The following TMEM164 variants were observed in gnomAD, a reference collection of about 807,000 sequenced individuals.
TMEM164 encodes the protein RP13-360B22.2.
In TMEM164, 4 loss-of-function variants were observed where a neutral mutation model predicts 18.8. The observed-to-expected ratio is 0.21, with a 90% confidence interval of 0.10 to 0.49. The LOEUF is 0.49. TMEM164 is among the 20% of genes least tolerant of loss of function. The probability of loss-of-function intolerance (pLI) is 0.98; values close to 1 mark genes in which losing one functional copy is unlikely to be tolerated. For missense variants in TMEM164, 108 were observed against 239.9 expected (o/e 0.45, Z 3.63); for synonymous variants, 86 against 101.7 (o/e 0.85, Z 0.93).
chrX:110,124,121 T>TGGAA (rs1200145593), intron 4 of TMEM164, among the ~76,000 whole-genome samples: 987 of 65,259 alleles, frequency 0.015, 9 homozygotes, highest in Middle Eastern at 0.032. Context: ...TAATAACAAA[T>TGGAA]GGAAGGAAGG....
chrX:110,173,091 A>G (rs1255480337), intron 6 of TMEM164, among the ~76,000 whole-genome samples, 154 bp from the exon 7 acceptor site: 1 of 111,648 alleles, frequency 9.0e-6, no homozygotes, highest in Non-Finnish European at 1.9e-5. Context: ...CACTCAGAAA[A>G]CCGAGGGGAG....
At chrX:110,088,140 C>G (rs1051941256) in intron 3 of TMEM164, among the ~76,000 whole-genome samples, 1 of 112,083 alleles carries the variant, frequency 8.9e-6, no homozygotes, top group Non-Finnish European at 1.9e-5. Context: ...GCATGACTTT[C>G]CCCAGGGAGA....
intron 5 of TMEM164, among the ~76,000 whole-genome samples, chrX:110,161,409 T>G (rs918993397): frequency 9.0e-6 from 1 of 111,220 alleles, no homozygotes; most frequent in African/African-American, 3.3e-5. Flanking sequence ...GTATAGGAAC[T>G]CTGGTAAATC....
intron 2 of TMEM164, among the ~76,000 whole-genome samples, chrX:110,011,272 A>G (rs1302647955): frequency 8.9e-6 from 1 of 112,374 alleles, no homozygotes; most frequent in Admixed American, 9.4e-5. Context: ...CAACTAAATT[A>G]CAACATTACA....
At chrX:110,156,634 A>T (rs1011218345) in intron 5 of TMEM164, among the ~76,000 whole-genome samples, 5 of 111,456 alleles carry the variant, frequency 4.5e-5, no homozygotes, top group Non-Finnish European at 5.6e-5. Flanking sequence ...TGAGTAGCTT[A>T]TAAACAATAT....
intron 3 of TMEM164, among the ~76,000 whole-genome samples, chrX:110,086,457 C>T (rs1051618549): frequency 4.1e-4 from 46 of 110,936 alleles, no homozygotes; most frequent in East Asian, 2.8e-3. Flanking sequence ...ACTTTATTTA[C>T]ATAAACAGGA....
chrX:110,160,670 CTCTTGTTTCAGAATTGCT>C (rs1486384583), intron 5 of TMEM164, among the ~76,000 whole-genome samples: 1 of 111,773 alleles, frequency 8.9e-6, no homozygotes, highest in Non-Finnish European at 1.9e-5. Context: ...CTAGAGGGAG[CTCTTGTTTCAGAATTGCT>C]GAGCAGTGAC....
At chrX:110,012,218 T>C (rs1353652562) in intron 2 of TMEM164, among the ~76,000 whole-genome samples, 1 of 112,138 alleles carries the variant, frequency 8.9e-6, no homozygotes, top group African/African-American at 3.2e-5. Context: ...TAATGAAGTG[T>C]GGTGCCATCT....
At chrX:110,020,781 T>TG in intron 2 of TMEM164, 2 of 578,334 alleles carry the variant, frequency 3.5e-6, no homozygotes, top group Non-Finnish European at 4.2e-6. Context: ...ATTTATGGCA[T>TG]CAGTGTTGGT....
At chrX:110,063,484 C>T (rs1283823965) in intron 2 of TMEM164, among the ~76,000 whole-genome samples, 1 of 110,859 alleles carries the variant, frequency 9.0e-6, no homozygotes, top group African/African-American at 3.3e-5. Context: ...CTGAGAGGTT[C>T]GGTAGAGAAG....
intron 3 of TMEM164, among the ~76,000 whole-genome samples, chrX:110,105,679 G>GACACACACACACACACACAC (rs758900532): frequency 4.6e-5 from 3 of 65,433 alleles, no homozygotes; most frequent in Non-Finnish European, 5.9e-5. Context: ...TAGAAACACA[G>GACACACACACACACACACAC]ACACACACAC....
chrX:110,065,250 C>T (rs942919272), intron 2 of TMEM164: 1 of 111,423 alleles, frequency 9.0e-6, no homozygotes, highest in Non-Finnish European at 1.9e-5. Context: ...AGCTTACCTC[C>T]TCTTGTCTGT....
At chrX:110,002,528 G>C, upstream of TMEM164, 1 of 109,673 alleles carries the variant, frequency 9.1e-6, no homozygotes, top group East Asian at 2.9e-4. Context: ...GTCGTGGCCC[G>C]AGGGCGTGTG....
intron 3 of TMEM164, among the ~76,000 whole-genome samples, chrX:110,098,883 C>G (rs1183126687): frequency 9.3e-6 from 1 of 107,026 alleles, no homozygotes; most frequent in Non-Finnish European, 1.9e-5. Flanking sequence ...CCTGGGTTCA[C>G]GCCATTCTGC....
chrX:110,098,215 T>A (rs2066051158), intron 3 of TMEM164, among the ~76,000 whole-genome samples: 1 of 112,081 alleles, frequency 8.9e-6, no homozygotes, highest in Non-Finnish European at 1.9e-5. Flanking sequence ...TTGAGATTCA[T>A]CTGAGTTGAT....
chrX:110,122,583 AAAAT>A (rs1225979031), intron 4 of TMEM164, among the ~76,000 whole-genome samples: 1 of 111,292 alleles, frequency 9.0e-6, no homozygotes, highest in Non-Finnish European at 1.9e-5. Flanking sequence ...ATAATAAAAT[AAAAT>A]AAAATAAAAA....
rs148830280 is a variant in TMEM164, at chrX:110,066,147, G to A, written c.391-1200G>A. ...CTTCTTATTGGCAGGGATTCATGCA[G>A]GTGTCTTTCCTTATAGTGATTTTTC... is the stretch of plus-strand genomic sequence containing the variant. On this transcript the variant is annotated intron_variant, in intron 2 of 6. Coordinates refer to ENST00000372068, the MANE Select transcript of TMEM164 (RefSeq NM_032227.4). Among the ~76,000 whole-genome samples the A allele has an allele frequency of 8.4e-3, 938 of 111,259 alleles. 18 individuals carry two copies. The highest frequency in any genetic ancestry group is 0.029 in the African/African-American group (882 of 30,641).
At chrX:110,040,956 T>C (rs1039717966) in intron 2 of TMEM164, among the ~76,000 whole-genome samples, 9 of 112,088 alleles carry the variant, frequency 8.0e-5, no homozygotes, top group African/African-American at 2.9e-4. Flanking sequence ...GAAATGTTTC[T>C]GTGAAACAAA....
chrX:110,086,960 A>G (rs1239494995), intron 3 of TMEM164, among the ~76,000 whole-genome samples: 1 of 111,648 alleles, frequency 9.0e-6, no homozygotes, highest in African/African-American at 3.3e-5. Context: ...ATGGAGATAC[A>G]CAAGAGTTCA....
Sources: gnomAD v4.1 joint callset for allele counts (sites outside exome capture counted in the v4.1 genomes callset) on GRCh38, gnomAD v4.1.1 for gene constraint, MANE v1.5 for transcripts, NCBI Gene and HGNC (gene_info 2026-07-23, HGNC 2026-07-21) for gene names.